Variants in ZC4H2 observed in about 807,000 individuals in gnomAD.
ZC4H2 encodes the protein zinc finger C4H2 domain-containing protein.
For missense variants in ZC4H2, 137 were observed against 173.9 expected (o/e 0.79, Z 1.19); for synonymous variants, 84 against 66.3 (o/e 1.27, Z -1.30).
intron 1 of ZC4H2, among the ~76,000 whole-genome samples, chrX:64,929,723 C>T (rs1929655890): frequency 9.0e-6 from 1 of 111,603 alleles, no homozygotes; most frequent in Non-Finnish European, 1.9e-5. Flanking sequence ...TTTCATTGGT[C>T]TTCATGCCTA....
intron 1 of ZC4H2, among the ~76,000 whole-genome samples, chrX:64,927,625 A>G (rs1023060716): frequency 4.5e-5 from 5 of 112,268 alleles, no homozygotes; most frequent in Non-Finnish European, 9.4e-5. Context: ...ACAATGATTT[A>G]TAATCCTTTG....
chrX:64,944,644 G>T (rs7057297), intron 1 of ZC4H2, among the ~76,000 whole-genome samples: 9,224 of 111,143 alleles, frequency 0.083, 1,029 homozygotes, highest in African/African-American at 0.29. Flanking sequence ...AGTTGGGGAA[G>T]TTCTTCTGGA....
chrX:65,010,737 C>A (rs1602453317), intron 1 of ZC4H2, among the ~76,000 whole-genome samples: 1 of 111,815 alleles, frequency 8.9e-6, no homozygotes, highest in East Asian at 2.8e-4. Context: ...GGGAAAAGAC[C>A]ACATGTTCCT....
chrX:64,930,368 C>G (rs905384298), intron 1 of ZC4H2, among the ~76,000 whole-genome samples: 1 of 111,692 alleles, frequency 9.0e-6, no homozygotes, highest in Admixed American at 9.5e-5. Flanking sequence ...ACTTCTTTCT[C>G]TTGTCTGATT....
At chrX:64,995,725 G>A (rs1382378879) in intron 1 of ZC4H2, among the ~76,000 whole-genome samples, 1 of 112,020 alleles carries the variant, frequency 8.9e-6, no homozygotes, top group African/African-American at 3.2e-5. Flanking sequence ...CTGGACTCTG[G>A]TTCTGGAAGA....
chrX:65,024,997 C>T (rs1177937991), intron 1 of ZC4H2, among the ~76,000 whole-genome samples: 2 of 110,298 alleles, frequency 1.8e-5, no homozygotes, highest in African/African-American at 3.3e-5. Flanking sequence ...ATGTACTCCC[C>T]GTATTTAAAA....
intron 1 of ZC4H2, among the ~76,000 whole-genome samples, chrX:64,955,228 T>A (rs900007972): frequency 3.6e-5 from 4 of 112,076 alleles, no homozygotes; most frequent in Non-Finnish European, 7.5e-5. Flanking sequence ...TGATGGGCCA[T>A]TTAAACATTT....
intron 1 of ZC4H2, among the ~76,000 whole-genome samples, chrX:65,028,611 A>G (rs1358848121): frequency 9.1e-6 from 1 of 109,441 alleles, no homozygotes; most frequent in East Asian, 2.9e-4. Context: ...GGGTCACTGC[A>G]ACCTCTGCCT....
chrX:65,017,378 A>T (rs756492486), intron 1 of ZC4H2, among the ~76,000 whole-genome samples: 1 of 112,642 alleles, frequency 8.9e-6, no homozygotes, highest in East Asian at 2.8e-4. Context: ...ACCTGGTTCA[A>T]TGAGTACTGC....
chrX:65,008,027 A>G (rs1932695497), intron 1 of ZC4H2, among the ~76,000 whole-genome samples: 1 of 111,602 alleles, frequency 9.0e-6, no homozygotes, highest in African/African-American at 3.3e-5. Flanking sequence ...AAGAGACAAC[A>G]CATAGAATGG....
chrX:64,922,199 C>A, intron 1 of ZC4H2: 1 of 917,616 alleles, frequency 1.1e-6, no homozygotes, highest in Non-Finnish European at 1.4e-6. Flanking sequence ...TCACTTGAGC[C>A]CAGGAGTTTG....
At chrX:64,958,848 C>A (rs749568592) in intron 1 of ZC4H2, among the ~76,000 whole-genome samples, 2 of 111,206 alleles carry the variant, frequency 1.8e-5, no homozygotes, top group South Asian at 3.8e-4. Context: ...GGGGTGGCAC[C>A]CAATTGGAGA....
At chrX:65,005,605 C>A (rs1215613112) in intron 1 of ZC4H2, among the ~76,000 whole-genome samples, 1 of 111,163 alleles carries the variant, frequency 9.0e-6, no homozygotes, top group Admixed American at 9.5e-5. Flanking sequence ...CCATAAAAAC[C>A]CTAGAAGAAA....
chrX:65,001,510 C>G (rs1181014890), intron 1 of ZC4H2, among the ~76,000 whole-genome samples: 1 of 111,952 alleles, frequency 8.9e-6, no homozygotes, highest in Non-Finnish European at 1.9e-5. Flanking sequence ...TAAAGACCAT[C>G]AACACTATGA....
In ZC4H2 at chrX:65,011,991, G is replaced by C. The variant is rs751324630; in HGVS notation, c.-272+22638C>G. ...AGCCTCCCAAAGTGCTGGGATTACA[G>C]GCATGAAGGCATGCCATCTTTGAGT... On this transcript the variant is annotated intron_variant, in intron 1 of 4. Coordinates refer to the ZC4H2 transcript ENST00000337990. Among the ~76,000 whole-genome samples the C allele has an allele frequency of 3.6e-5, 4 of 109,731 alleles. No homozygotes were observed. In the East Asian group the frequency reaches 1.2e-3, roughly 32 times the overall value.
At chrX:64,975,584 G>A (rs1171337255) in intron 1 of ZC4H2, among the ~76,000 whole-genome samples, 3 of 111,143 alleles carry the variant, frequency 2.7e-5, no homozygotes, top group Non-Finnish European at 5.7e-5. Context: ...ATTGTGTTCT[G>A]AGCAAGGACA....
At chrX:65,024,690 T>C (rs1360786143) in intron 1 of ZC4H2, among the ~76,000 whole-genome samples, 1 of 112,172 alleles carries the variant, frequency 8.9e-6, no homozygotes, top group Non-Finnish European at 1.9e-5. Flanking sequence ...GTGGTATATA[T>C]ACACCATGGA....
chrX:65,021,735 G>A (rs1932838016), intron 1 of ZC4H2, among the ~76,000 whole-genome samples: 2 of 111,033 alleles, frequency 1.8e-5, no homozygotes, highest in Non-Finnish European at 3.8e-5. Context: ...ATGAATCCAG[G>A]AGTTGGTTTT....
intron 1 of ZC4H2, among the ~76,000 whole-genome samples, chrX:64,988,457 G>A (rs1569224955): frequency 9.0e-6 from 1 of 111,507 alleles, no homozygotes; most frequent in Non-Finnish European, 1.9e-5. Context: ...TCTCATTGTG[G>A]TTTTGATTTG....
Sources: gnomAD v4.1 joint callset for allele counts (sites outside exome capture counted in the v4.1 genomes callset) on GRCh38, gnomAD v4.1.1 for gene constraint, MANE v1.5 for transcripts, NCBI Gene and HGNC (gene_info 2026-07-23, HGNC 2026-07-21) for gene names.